JADE2: variants seen among roughly 807,000 people sequenced by gnomAD.
JADE2 encodes the protein E3 ubiquitin-protein ligase Jade-2.
Under a neutral mutation model 85.7 loss-of-function variants are expected in JADE2, and 13 were observed. The observed-to-expected ratio is 0.15, with a 90% confidence interval of 0.10 to 0.24. The LOEUF (loss-of-function observed/expected upper bound fraction) is 0.24, where lower values mean the gene tolerates loss of function less well. Ranked by LOEUF, JADE2 falls within the 10% of genes least tolerant of loss-of-function variation. JADE2 has a pLI of 1.00. For synonymous variants in JADE2, 440 were observed against 456.1 expected (o/e 0.96, Z 0.45); for missense variants, 846 against 1,115.9 (o/e 0.76, Z 3.45).
intron 1 of JADE2, 138 bp downstream of exon 1, chr5:134,526,149 T>C: frequency 1.0e-6 from 1 of 985,352 alleles, no homozygotes; most frequent in Non-Finnish European, 1.2e-6. Flanking sequence ...GCTGGCTGCC[T>C]GTTCTAGGAA....
In JADE2 at chr5:134,562,241, G is replaced by T; in HGVS notation, c.726G>T (p.Leu242=). 1 of 1,613,948 alleles carries T rather than the reference G, an allele frequency of 6.2e-7. No homozygotes were observed. Among genetic ancestry groups the T allele is most frequent in the Non-Finnish European group, 8.5e-7 (1 of 1,179,926 alleles). ...TCAAGGTGCCCACGGGCAGCTGGCT[G>T]TGCCGGACGTGTGCCCTGGGTGTCC... ...GILKVPTGSW[L]CRTCALGVQP... Residue 242 remains leucine, a synonymous_variant, in exon 7 of 12, where the codon CTG becomes CTT. Coordinates refer to ENST00000681547, the MANE Select transcript of JADE2 (RefSeq NM_001388185.1). This position sits in a 1 kb window ranked among gnomAD's most constrained non-coding sequence, Gnocchi z 4.6.
At position 134,525,936 on chromosome 5, in the gene JADE2, G is replaced by A. The variant is rs1760779446; in HGVS notation, c.-76G>A. On this transcript the variant is annotated 5_prime_UTR_variant, in exon 1 of 12. Transcript: ENST00000681547. Reference sequence around the variant, plus strand: ...GCCCCAGGAGCTCCCGGCTTCGGGAGCATCCTTCCCGCGCCGGTCCCTGCA... The same window carrying A: ...GCCCCAGGAGCTCCCGGCTTCGGGAACATCCTTCCCGCGCCGGTCCCTGCA... 1.0e-6 allele frequency: 1 copy of A among 985,898 alleles called. No homozygotes were observed. The highest frequency in any genetic ancestry group is 1.7e-5 in the African/African-American group (1 of 57,302). The allele number at this position is 985,898 out of a possible 1,614,324, so 61.1% of individuals were successfully genotyped here. A position where few individuals can be genotyped will look rare whatever the true frequency, so the allele number is the denominator to read the frequency against.
intron 3 of JADE2, among the ~76,000 whole-genome samples, chr5:134,548,856 G>A (rs1181886299): frequency 1.3e-5 from 2 of 152,222 alleles, no homozygotes; most frequent in African/African-American, 4.8e-5. Context: ...GCTGCCTGTT[G>A]CTCAGAGGCG....
At chr5:134,528,720 G>A (rs1412756839) in intron 1 of JADE2, among the ~76,000 whole-genome samples, 1 of 152,224 alleles carries the variant, frequency 6.6e-6, no homozygotes, top group African/African-American at 2.4e-5. Flanking sequence ...ACAGAGGGAA[G>A]TCCTCGCCCC....
rs1388213429 is a variant in JADE2, at chr5:134,566,645, C to G, written c.1434+65C>G. ...GTCCAGGAGTCCTTTCCATGCCACA[C>G]TCACTGCCCTGGAGCAGCTAGGACT... On this transcript the variant is annotated intron_variant, in intron 9 of 11. Coordinates refer to ENST00000681547, the MANE Select transcript of JADE2 (RefSeq NM_001388185.1). This position sits in a 1 kb window ranked among gnomAD's most constrained non-coding sequence, Gnocchi z 6.7. 1 of 1,202,700 alleles carries G rather than the reference C, an allele frequency of 8.3e-7. No individual in the cohort carries two copies. Among genetic ancestry groups the G allele is most frequent in the Non-Finnish European group, 1.2e-6 (1 of 865,190 alleles). The allele number at this position is 1,202,700 out of a possible 1,614,324, so 74.5% of individuals were successfully genotyped here.
At chr5:134,528,218 C>A (rs1284148290) in intron 1 of JADE2, among the ~76,000 whole-genome samples, 1 of 152,144 alleles carries the variant, frequency 6.6e-6, no homozygotes, top group Non-Finnish European at 1.5e-5. Context: ...GCATTAACTC[C>A]CTCCCTTCAC....
In JADE2 at chr5:134,564,504, G is replaced by A. The variant is rs1210656664; in HGVS notation, c.863G>A (p.Gly288Asp). The A allele has an allele frequency of 1.9e-6, 3 of 1,590,200 alleles. No homozygotes were observed. The highest frequency in any genetic ancestry group is 1.3e-5 in the African/African-American group (1 of 74,614). ...CALWIPEVSI[G>D]CPEKMEPITK... Reference sequence around the variant, plus strand: ...CTGTGTCCTGCCCAGGTCAGCATCGGCTGCCCAGAGAAGATGGAGCCCATC... The same window carrying A: ...CTGTGTCCTGCCCAGGTCAGCATCGACTGCCCAGAGAAGATGGAGCCCATC... The change falls in exon 8 of 12, where the codon GGC (glycine) becomes GAC (aspartate). Residue 288 changes from glycine to aspartate, a missense_variant. Around this residue, in one of 9 missense-constraint regions of JADE2, gnomAD observed 129 missense variants for 255.4 expected, o/e 0.51. Transcript: ENST00000681547.
intron 4 of JADE2, among the ~76,000 whole-genome samples, chr5:134,554,126 G>A (rs993631853): frequency 6.6e-6 from 1 of 152,154 alleles, no homozygotes; most frequent in African/African-American, 2.4e-5. Context: ...CCTGACGTTG[G>A]CACCCTCATT....
intron 1 of JADE2, among the ~76,000 whole-genome samples, chr5:134,534,916 T>C (rs186606858): frequency 1.7e-4 from 26 of 152,182 alleles, no homozygotes; most frequent in African/African-American, 5.8e-4. Flanking sequence ...CTCGTGAGGA[T>C]TATAGGAAAC....
At chr5:134,551,188 A>G (rs923754650) in intron 3 of JADE2, among the ~76,000 whole-genome samples, 1 of 151,672 alleles carries the variant, frequency 6.6e-6, no homozygotes. Context: ...TGTCTTGAAC[A>G]GTCACGTAAT....
intron 9 of JADE2, among the ~76,000 whole-genome samples, chr5:134,570,203 C>T (rs1407084237): frequency 6.6e-6 from 1 of 152,160 alleles, no homozygotes; most frequent in Non-Finnish European, 1.5e-5. Context: ...CCACCTCATA[C>T]CTGCTGCCCA....
chr5:134,535,840 G>A lies in JADE2; in HGVS notation c.1-18G>A. 6.2e-7 allele frequency: 1 copy of A among 1,613,434 alleles called. No individual in the cohort carries two copies. The highest frequency in any genetic ancestry group is 8.5e-7 in the Non-Finnish European group (1 of 1,179,386). ...CCCAAGCCATCCGTGAGTATAATGG[G>A]CTTGCCTTTTGTTGCAGATGGAAGA... On this transcript the variant is annotated intron_variant, in intron 1 of 11. Transcript: ENST00000681547.
chr5:134,567,502 A>G (rs1763717947), intron 9 of JADE2, among the ~76,000 whole-genome samples: 1 of 152,156 alleles, frequency 6.6e-6, no homozygotes, highest in South Asian at 2.1e-4. Flanking sequence ...CTAGGGTTCC[A>G]GAGCATATGG....
chr5:134,554,832 G>A (rs548602371), intron 4 of JADE2, among the ~76,000 whole-genome samples: 20 of 152,280 alleles, frequency 1.3e-4, no homozygotes, highest in African/African-American at 4.1e-4. Context: ...GTAGCTGCCC[G>A]GGTCAGAATT....
At chr5:134,576,712 G>T in intron 10 of JADE2, 56 bp from the exon 11 acceptor site, 1 of 1,547,958 alleles carries the variant, frequency 6.5e-7, no homozygotes, top group South Asian at 1.2e-5. Flanking sequence ...TCTTGGTGCT[G>T]ACCGAGGCCA....
chr5:134,526,850 GGGGAGAGGCGCT>G, intron 1 of JADE2: 1 of 783,882 alleles, frequency 1.3e-6, no homozygotes, highest in African/African-American at 1.9e-5. Context: ...TAGTCCAGCT[GGGGAGAGGCGCT>G]GGGAGAGTGG....
At chr5:134,540,465 C>T (rs1313911961) in intron 3 of JADE2, among the ~76,000 whole-genome samples, 1 of 151,208 alleles carries the variant, frequency 6.6e-6, no homozygotes. Context: ...AACTCCTGAG[C>T]TCAGGCGATC....
intron 3 of JADE2, 86 bp from the exon 4 acceptor site, chr5:134,551,966 G>T (rs1762617854): frequency 2.4e-6 from 3 of 1,237,196 alleles, no homozygotes; most frequent in African/African-American, 1.5e-5. Context: ...CACTTGAGTT[G>T]CATGTATCTG....
chr5:134,538,553 C>G (rs1581404060), intron 3 of JADE2, among the ~76,000 whole-genome samples: 1 of 152,152 alleles, frequency 6.6e-6, no homozygotes, highest in Admixed American at 6.5e-5. Flanking sequence ...GTTCCTTATA[C>G]CCATTTCACA....
Sources: allele counts gnomAD v4.1 joint callset (sites outside exome capture counted in the v4.1 genomes callset), GRCh38; gene constraint gnomAD v4.1.1; regional missense constraint gnomAD v4.1.1; non-coding constraint Gnocchi (gnomAD v3.1); transcripts MANE v1.5; gene names NCBI Gene and HGNC (gene_info 2026-07-23, HGNC 2026-07-21).